RELCH: variants seen among roughly 807,000 people sequenced by gnomAD.
RELCH encodes RAB11-binding protein RELCH.
RELCH carries 41 observed loss-of-function variants against 150.3 expected under a neutral mutation model. That is an observed-to-expected ratio of 0.27 (90% CI 0.21 to 0.35). RELCH has a LOEUF of 0.35. Among genes scored for constraint, RELCH ranks in the 10% least tolerant of loss-of-function variants. The probability of loss-of-function intolerance (pLI) is 1.00; values close to 1 mark genes in which losing one functional copy is unlikely to be tolerated. For missense variants in RELCH, 1,092 were observed against 1,467.8 expected (o/e 0.74, Z 4.18); for synonymous variants, 478 against 531.8 (o/e 0.90, Z 1.39).
intron 10 of RELCH, among the ~76,000 whole-genome samples, chr18:62,242,874 T>C (rs539420706): frequency 6.6e-6 from 1 of 152,200 alleles, no homozygotes; most frequent in African/African-American, 2.4e-5. Context: ...ATAGCAGCTA[T>C]CTTACCTTCA....
Position 62,288,676 on chromosome 18 carries a change from T to C in RELCH, c.3370+1209T>C, listed in dbSNP as rs1445667692. On this transcript the variant is annotated intron_variant, in intron 26 of 28. Transcript: ENST00000644646. The stretch of plus-strand genomic sequence containing the variant: ...ATGGCACCATATTTTAATAATTTAA[T>C]AATTTTGTAACCTCAACTATTCATG... 5.3e-5 allele frequency among the ~76,000 whole-genome samples: 8 copies of C among 152,274 alleles called. No individual in the cohort carries two copies. In the South Asian group the frequency reaches 6.2e-4, roughly 12 times the overall value.
In RELCH at chr18:62,232,408, T is replaced by C; in HGVS notation, c.1601T>C (p.Val534Ala). Residue 534 changes from valine (V) to alanine (A), a missense_variant, in exon 10 of 29, where the codon GTG becomes GCG. Val to Ala is a moderately conservative substitution (Grantham distance 64). Coordinates refer to ENST00000644646, the MANE Select transcript of RELCH (RefSeq NM_001346231.2). Reference protein sequence around the residue: ...GRCLPHIVPNVLLAKREELIP... With the variant: ...GRCLPHIVPNALLAKREELIP... The stretch of plus-strand genomic sequence containing the variant: ...TGCCTGCCACACATTGTTCCCAATG[T>C]GCTATTGGCAAAGAGAGAGGTAAGA... 1.9e-6 allele frequency: 3 copies of C among 1,608,730 alleles called. No individual in the cohort carries two copies. The highest frequency in any genetic ancestry group is 2.6e-6 in the Non-Finnish European group (3 of 1,175,688).
Position 62,264,747 on chromosome 18 carries a change from A to T in RELCH, c.2526A>T (p.Glu842Asp). 6.3e-7 allele frequency: 1 copy of T among 1,597,596 alleles called. No homozygotes were observed. Among genetic ancestry groups the T allele is most frequent in the Non-Finnish European group, 8.6e-7 (1 of 1,169,240 alleles). ...TATTCAGGTTGCCACAACTTATAGAAATAGTTGGCAAAATTAATGTTACTT... is the reference window on the plus strand; with the variant it reads ...TATTCAGGTTGCCACAACTTATAGATATAGTTGGCAAAATTAATGTTACTT... ...VVNQLLPQLIEIVGKINVTST... is the reference protein window; with the variant it reads ...VVNQLLPQLIDIVGKINVTST... The change falls in exon 18 of 29, where the codon GAA becomes GAT. Residue 842 changes from glutamate (E) to aspartate (D), a missense_variant. Physicochemically the swap from Glu to Asp is conservative, Grantham distance 45. This residue lies in a region of RELCH where 707 missense variants were observed against 1,025.4 expected (regional missense o/e 0.69). Coordinates refer to ENST00000644646, the MANE Select transcript of RELCH (RefSeq NM_001346231.2).
rs1490103278 is a variant in RELCH at position 62,309,089 on chromosome 18, T to C, written c.*3555T>C. The stretch of plus-strand genomic sequence containing the variant: ...ACCGTCTCTACTAAAAATACAAAAT[T>C]AGCCGGGTATGGTGGCGCACACCTG... On this transcript the variant is annotated 3_prime_UTR_variant, in exon 29 of 29. Transcript: ENST00000644646. The C allele has an allele frequency of 2.0e-5, 3 of 152,050 alleles. No individual in the cohort carries two copies. Among genetic ancestry groups the C allele is most frequent in the Non-Finnish European group, 4.4e-5 (3 of 68,006 alleles). 9.4% of individuals were successfully genotyped at this position (152,050 alleles called of 1,614,324 possible).
chr18:62,258,460 A>G, intron 14 of RELCH, 52 bp from the exon 15 acceptor site: 2 of 1,453,424 alleles, frequency 1.4e-6, no homozygotes, highest in East Asian at 2.3e-5. Context: ...TAAGTGTTTT[A>G]TTTTAAGTTT....
At chr18:62,199,872 G>A (rs143356514) in intron 1 of RELCH, among the ~76,000 whole-genome samples, 1 of 152,156 alleles carries the variant, frequency 6.6e-6, no homozygotes, top group African/African-American at 2.4e-5. Flanking sequence ...AATGCAGATG[G>A]TAATGACTCC....
intron 20 of RELCH, among the ~76,000 whole-genome samples, chr18:62,273,467 A>G (rs2044021510): frequency 6.6e-6 from 1 of 152,092 alleles, no homozygotes; most frequent in Non-Finnish European, 1.5e-5. Flanking sequence ...CGGGGTAACT[A>G]TTCTAGTAGT....
At chr18:62,210,215 A>T (rs1468320182) in intron 1 of RELCH, among the ~76,000 whole-genome samples, 1 of 152,020 alleles carries the variant, frequency 6.6e-6, no homozygotes, top group Non-Finnish European at 1.5e-5. Context: ...TCGCTATTTG[A>T]TTAATAGGTG....
At chr18:62,265,175 G>A (rs1245307752) in intron 18 of RELCH, among the ~76,000 whole-genome samples, 3 of 152,006 alleles carry the variant, frequency 2.0e-5, no homozygotes, top group African/African-American at 4.8e-5. Flanking sequence ...TGTGCTGCTG[G>A]TACTTACTGT....
In RELCH at chr18:62,277,785, A is replaced by G. The variant is rs932235656; in HGVS notation, c.2968-1989A>G. On this transcript the variant is annotated intron_variant, in intron 22 of 28. Coordinates refer to ENST00000644646, the MANE Select transcript of RELCH (RefSeq NM_001346231.2). ...ATATAAATTACTTTTTGAAGTAGCA[A>G]ATTAATAAAATTATTTTATAAGAGG... 50 of 811,676 alleles carry G rather than the reference A, an allele frequency of 6.2e-5. 1 individual carries two copies. The highest frequency in any genetic ancestry group is 7.3e-5 in the Non-Finnish European group (49 of 670,888). 50.3% of individuals were successfully genotyped at this position (811,676 alleles called of 1,614,324 possible).
intron 24 of RELCH, among the ~76,000 whole-genome samples, chr18:62,281,672 T>A (rs1282859531): frequency 6.6e-6 from 1 of 152,224 alleles, no homozygotes; most frequent in Non-Finnish European, 1.5e-5. Context: ...TTTGTGGACA[T>A]ATTACCCAAA....
chr18:62,199,787 A>G (rs1368184171), intron 1 of RELCH, among the ~76,000 whole-genome samples: 1 of 152,128 alleles, frequency 6.6e-6, no homozygotes, highest in Admixed American at 6.5e-5. Flanking sequence ...GCTGTCGGAG[A>G]GCTTGAGTTC....
intron 10 of RELCH, among the ~76,000 whole-genome samples, chr18:62,238,102 C>T (rs1319285619): frequency 6.6e-6 from 1 of 151,526 alleles, no homozygotes; most frequent in Non-Finnish European, 1.5e-5. Flanking sequence ...TAAGATACAC[C>T]CATATTTCAA....
intron 22 of RELCH, among the ~76,000 whole-genome samples, chr18:62,277,006 T>G: frequency 6.6e-6 from 1 of 152,262 alleles, no homozygotes; most frequent in Non-Finnish European, 1.5e-5. Flanking sequence ...AGCTATTTCT[T>G]TAATATACTC....
At chr18:62,250,475 C>T (rs2042644921) in intron 11 of RELCH, among the ~76,000 whole-genome samples, 1 of 152,208 alleles carries the variant, frequency 6.6e-6, no homozygotes, top group Non-Finnish European at 1.5e-5. Flanking sequence ...TAGGAGCAGG[C>T]AGCTGAAGTG....
chr18:62,259,773 G>C (rs1235692373), intron 15 of RELCH, among the ~76,000 whole-genome samples: 1 of 151,900 alleles, frequency 6.6e-6, no homozygotes, highest in African/African-American at 2.4e-5. Flanking sequence ...CTTGGTATTG[G>C]CATAAAACAG....
intron 20 of RELCH, chr18:62,269,631 C>T (rs1463594999): frequency 1.6e-5 from 3 of 185,528 alleles, no homozygotes; most frequent in African/African-American, 7.1e-5. Flanking sequence ...GGTTGGTTGG[C>T]ATCACGATCA....
intron 1 of RELCH, among the ~76,000 whole-genome samples, chr18:62,195,581 T>C (rs989395968): frequency 1.3e-5 from 2 of 152,278 alleles, no homozygotes; most frequent in East Asian, 1.9e-4. Context: ...CTTTTGGTGA[T>C]AGATTTCTTT....
At chr18:62,220,918 C>T (rs1292083681) in intron 2 of RELCH, 119 bp from the exon 3 acceptor site, 1 of 829,656 alleles carries the variant, frequency 1.2e-6, no homozygotes, top group African/African-American at 1.7e-5. Context: ...TGCATGCTTT[C>T]TGTTTTCAAT....
Sources: gnomAD v4.1 joint callset for allele counts (sites outside exome capture counted in the v4.1 genomes callset) on GRCh38, gnomAD v4.1.1 for gene constraint, gnomAD v4.1.1 regional missense constraint, MANE v1.5 for transcripts, NCBI Gene and HGNC (gene_info 2026-07-23, HGNC 2026-07-21) for gene names.